Variants in MPRIP observed in about 807,000 individuals in gnomAD.
The protein encoded by MPRIP is myosin phosphatase Rho interacting protein.
MPRIP carries 59 observed loss-of-function variants against 234.9 expected under a neutral mutation model. The observed-to-expected ratio is 0.25, with a 90% CI of 0.20 to 0.31. The LOEUF is 0.31. Ranked by LOEUF, MPRIP falls within the 10% of genes least tolerant of loss-of-function variation. MPRIP has a pLI of 1.00. For synonymous variants in MPRIP, 1,144 were observed against 1,263.9 expected, an observed-to-expected ratio of 0.91 and a Z score of 2.01; for missense variants, 2,436 against 3,071.0, an observed-to-expected ratio of 0.79 and a Z score of 4.89.
intron 1 of MPRIP, among the ~76,000 whole-genome samples, chr17:17,060,148 G>A (rs1188896838): frequency 1.3e-5 from 2 of 152,198 alleles, no homozygotes; most frequent in Non-Finnish European, 2.9e-5. Flanking sequence ...TGCTGCAGGA[G>A]GGTGGTCTGT....
intron 1 of MPRIP, among the ~76,000 whole-genome samples, chr17:17,063,997 G>A (rs1184014667): frequency 6.6e-6 from 1 of 152,202 alleles, no homozygotes; most frequent in African/African-American, 2.4e-5. Flanking sequence ...GGGTGGTGAG[G>A]GGAAGGGACA....
At chr17:17,169,564 G>A (rs1228067779) in intron 16 of MPRIP, among the ~76,000 whole-genome samples, 1 of 152,254 alleles carries the variant, frequency 6.6e-6, no homozygotes, top group Non-Finnish European at 1.5e-5. Context: ...TGCAGGTCGG[G>A]ATGAGGCCCC....
chr17:17,164,126 C>T lies in MPRIP; in HGVS notation c.2535C>T (p.Ser845=), dbSNP rs995296340. The T allele has an allele frequency of 7.7e-7, 1 of 1,304,032 alleles. No individual in the cohort carries two copies. Among genetic ancestry groups the T allele is most frequent in the African/African-American group, 1.5e-5 (1 of 65,816 alleles). The allele number at this position is 1,304,032 out of a possible 1,614,324, so 80.8% of individuals were successfully genotyped here. ...TTTTTAAGACTGAAGTGGCCGCCTC[C>T]CCATCGGGTGCCTGGCAGAGGCTCC... ...GYVLQTEVAA[S]PSGAWQRLHR... is the part of the protein sequence containing the mutation. The change falls in exon 16 of 24, where the codon TCC becomes TCT. Residue 845 remains serine (S), a synonymous_variant. Coordinates refer to ENST00000651222, the MANE Select transcript of MPRIP (RefSeq NM_001364716.4).
chr17:17,053,101 G>A (rs1165281957), intron 1 of MPRIP, among the ~76,000 whole-genome samples: 2 of 152,044 alleles, frequency 1.3e-5, no homozygotes, highest in African/African-American at 2.4e-5. Flanking sequence ...AGGAGCCTCA[G>A]GGCCGCGGGA....
chr17:17,151,609 T>C (rs1301279474), intron 12 of MPRIP, among the ~76,000 whole-genome samples: 1 of 152,248 alleles, frequency 6.6e-6, no homozygotes, highest in Non-Finnish European at 1.5e-5. Flanking sequence ...ATGGGTTTCC[T>C]CTAATTTCCT....
rs1213356437 is a variant in MPRIP at position 17,190,625 on chromosome 17, C to A, written c.*5731C>A. ...GAACTGTGAGCTTCAAGTATTCTTG[C>A]TTCTCTGTAAAGGGAAGACATCTCC... On this transcript the variant is annotated 3_prime_UTR_variant, in exon 24 of 24. Coordinates refer to ENST00000651222, the MANE Select transcript of MPRIP (RefSeq NM_001364716.4). 1 of 152,216 alleles carries A rather than the reference C, an allele frequency of 6.6e-6. No individual in the cohort carries two copies. Among genetic ancestry groups the A allele is most frequent in the Non-Finnish European group, 1.5e-5 (1 of 68,032 alleles). 9.4% of individuals were successfully genotyped at this position (152,216 alleles called of 1,614,324 possible).
intron 3 of MPRIP, among the ~76,000 whole-genome samples, chr17:17,111,145 T>TAA (rs373551165): frequency 1.0e-5 from 1 of 96,170 alleles, no homozygotes; most frequent in African/African-American, 4.3e-5. Context: ...TTTAAAAGTT[T>TAA]AAAAAAAAAA....
rs1046130586 is a variant in MPRIP, at chr17:17,172,695, C to T, written c.6473-3C>T. 2 of 1,610,046 alleles carry T rather than the reference C, an allele frequency of 1.2e-6. No homozygotes were observed. Among genetic ancestry groups the T allele is most frequent in the African/African-American group, 1.3e-5 (1 of 74,978 alleles). On this transcript the variant is annotated splice_polypyrimidine_tract_variant and splice_region_variant and intron_variant, in intron 17 of 23. Transcript: ENST00000651222. The stretch of plus-strand genomic sequence containing the variant: ...GGTGCTGAGGCCGTGTCCTTGCCTG[C>T]AGCCATCGAAGCCATGAAGAACGCC...
rs2088579685 is a variant in MPRIP, at chr17:17,052,728, G to C, written c.123+9757G>C. Among the ~76,000 whole-genome samples, 3 of 152,160 alleles carry C rather than the reference G, an allele frequency of 2.0e-5. No homozygotes were observed. In the South Asian group the frequency reaches 6.2e-4, roughly 32 times the overall value. ...GATCTTCACCTCTCCTCAGCCTCGGGGTGCCCCACATCCCCAACATGGGCT... is the reference window on the plus strand; with the variant it reads ...GATCTTCACCTCTCCTCAGCCTCGGCGTGCCCCACATCCCCAACATGGGCT... On this transcript the variant is annotated intron_variant, in intron 1 of 23. Coordinates refer to ENST00000651222, the MANE Select transcript of MPRIP (RefSeq NM_001364716.4).
At chr17:17,111,175 A>C (rs2670551) in intron 3 of MPRIP, among the ~76,000 whole-genome samples, 1 of 146,984 alleles carries the variant, frequency 6.8e-6, no homozygotes, top group East Asian at 2.0e-4. Flanking sequence ...AAAAGAAAAA[A>C]CCTCTAGGCA....
intron 17 of MPRIP, among the ~76,000 whole-genome samples, chr17:17,172,087 C>T (rs1198163322): frequency 2.0e-5 from 3 of 152,240 alleles, no homozygotes; most frequent in African/African-American, 7.2e-5. Flanking sequence ...CTGACAGCCC[C>T]GTCGTGGCCG....
Position 17,078,144 on chromosome 17 carries a change from C to T in MPRIP, c.267+68C>T, listed in dbSNP as rs1225447867. On this transcript the variant is annotated intron_variant, in intron 3 of 23. Coordinates refer to ENST00000651222, the MANE Select transcript of MPRIP (RefSeq NM_001364716.4). The surrounding 1 kb of genome is among the most constrained non-coding windows in gnomAD (Gnocchi z 4.3). ...AAGTCCCTCCATTACAGTGCCCTTG[C>T]GTTGTCATGTGAGAGCACAGCAGCC... is the stretch of plus-strand genomic sequence containing the variant. The T allele has an allele frequency of 7.9e-6, 12 of 1,518,060 alleles. No individual in the cohort carries two copies. In the East Asian group the frequency reaches 9.0e-5, roughly 11 times the overall value. The allele number at this position is 1,518,060 out of a possible 1,614,324, so 94.0% of individuals were successfully genotyped here. A position where few individuals can be genotyped will look rare whatever the true frequency, so the allele number is the denominator to read the frequency against.
At chr17:17,084,913 ACTGT>A (rs1283201558) in intron 3 of MPRIP, among the ~76,000 whole-genome samples, 1 of 152,242 alleles carries the variant, frequency 6.6e-6, no homozygotes, top group African/African-American at 2.4e-5. Context: ...AGAGCCTGTA[ACTGT>A]CTGAGAGGCA....
rs1418010229 is a variant in MPRIP at position 17,147,312 on chromosome 17, C to T, written c.1561-7C>T. 8.1e-6 allele frequency: 13 copies of T among 1,613,380 alleles called. No homozygotes were observed. Among genetic ancestry groups the T allele is most frequent in the East Asian group, 2.2e-5 (1 of 44,880 alleles). ...AGTCGAGTCATTTTTCTTTTCTTCC[C>T]CTTTAGTGGAAGAAACACTGGTTTG... On this transcript the variant is annotated splice_polypyrimidine_tract_variant and splice_region_variant and intron_variant, in intron 10 of 23. Transcript: ENST00000651222.
intron 3 of MPRIP, among the ~76,000 whole-genome samples, chr17:17,093,244 G>C (rs2089761182): frequency 6.6e-6 from 1 of 152,200 alleles, no homozygotes; most frequent in African/African-American, 2.4e-5. Flanking sequence ...GGCTTGGAAA[G>C]GATCTTCGCA....
intron 3 of MPRIP, among the ~76,000 whole-genome samples, chr17:17,084,667 G>A (rs1258605848): frequency 6.6e-6 from 1 of 152,220 alleles, no homozygotes; most frequent in African/African-American, 2.4e-5. Context: ...TCGTGCGGGT[G>A]GAAAATAGGG....
At position 17,158,835 on chromosome 17, in the gene MPRIP, C is replaced by T; in HGVS notation, c.2233C>T (p.Leu745Phe). 3 of 1,611,742 alleles carry T rather than the reference C, an allele frequency of 1.9e-6. No homozygotes were observed. Among genetic ancestry groups the T allele is most frequent in the Non-Finnish European group, 2.5e-6 (3 of 1,179,966 alleles). Residue 745 changes from leucine (L) to phenylalanine (F), a missense_variant, in exon 14 of 24, where the codon CTC becomes TTC. Around this residue, in one of 4 missense-constraint regions of MPRIP, gnomAD observed 1,998 missense variants for 2,520.3 expected, o/e 0.79. Coordinates refer to ENST00000651222, the MANE Select transcript of MPRIP (RefSeq NM_001364716.4). ...DRSPGLPMSDLKTHNVHVEIE... is the reference protein window; with the variant it reads ...DRSPGLPMSDFKTHNVHVEIE... Reference sequence around the variant, plus strand: ...GAGCCCAGGGCTGCCTATGAGCGACCTCAAAACGCATAACGTCCACGTGGA... The same window carrying T: ...GAGCCCAGGGCTGCCTATGAGCGACTTCAAAACGCATAACGTCCACGTGGA...
intron 12 of MPRIP, among the ~76,000 whole-genome samples, chr17:17,151,637 C>G (rs9893676): frequency 0.71 from 107,795 of 152,210 alleles, 38,440 homozygotes; most frequent in Non-Finnish European, 0.73. Flanking sequence ...GCCAGGCCAG[C>G]CTCTACCCTG....
chr17:17,119,554 GAA>G (rs1415397047), intron 3 of MPRIP, among the ~76,000 whole-genome samples: 1 of 152,220 alleles, frequency 6.6e-6, no homozygotes, highest in Non-Finnish European at 1.5e-5. Flanking sequence ...TTGTACATTT[GAA>G]AGTCAGAACA....
Sources: allele counts gnomAD v4.1 joint callset (sites outside exome capture counted in the v4.1 genomes callset), GRCh38; gene constraint gnomAD v4.1.1; regional missense constraint gnomAD v4.1.1; non-coding constraint Gnocchi (gnomAD v3.1); transcripts MANE v1.5; gene names NCBI Gene and HGNC (gene_info 2026-07-23, HGNC 2026-07-21).